Variants in KDM2B observed in about 807,000 individuals in gnomAD.
KDM2B encodes the protein lysine demethylase 2B.
In KDM2B, 26 loss-of-function variants were observed where a neutral mutation model predicts 150.0. The ratio of observed to expected loss-of-function variants is 0.17; its 90% CI spans 0.13 to 0.24. The LOEUF is 0.24. KDM2B is among the 10% of genes least tolerant of loss of function. The pLI is 1.00. For missense variants in KDM2B, 1,265 were observed against 1,816.9 expected (o/e 0.70, Z 5.52); for synonymous variants, 734 against 729.5 (o/e 1.01, Z -0.10).
At chr12:121,579,890 C>A in intron 1 of KDM2B, 1 of 1,469,086 alleles carries the variant, frequency 6.8e-7, no homozygotes, top group Non-Finnish European at 9.1e-7. Flanking sequence ...ATATTTTTTT[C>A]CCGGTCCTCT....
At chr12:121,457,620 G>A (rs1324064017) in intron 12 of KDM2B, among the ~76,000 whole-genome samples, 4 of 151,762 alleles carry the variant, frequency 2.6e-5, no homozygotes, top group African/African-American at 4.8e-5. Flanking sequence ...AGGAAGTGAC[G>A]GCATCCCCAG....
the KDM2B span, chr12:121,416,373 A>G: frequency 1.2e-6 from 2 of 1,606,760 alleles, no homozygotes; most frequent in Non-Finnish European, 1.7e-6. Context: ...GTCTTTAGAA[A>G]GAAGGTGAGT....
At chr12:121,476,860 G>A (rs1275538096) in intron 12 of KDM2B, among the ~76,000 whole-genome samples, 1 of 152,066 alleles carries the variant, frequency 6.6e-6, no homozygotes, top group Non-Finnish European at 1.5e-5. Context: ...AAAATCTATT[G>A]TCACCATTTG....
intron 12 of KDM2B, among the ~76,000 whole-genome samples, chr12:121,482,050 G>C (rs555860625): frequency 6.6e-6 from 1 of 152,092 alleles, no homozygotes; most frequent in Non-Finnish European, 1.5e-5. Context: ...CAAAGTGCAG[G>C]GATTACAGGC....
chr12:121,444,277 T>C lies in KDM2B; in HGVS notation c.2191-5A>G. ...AAAGCCAGGGCCACGCTTTTGCTTG[T>C]AGGCCAAAAAGAGAGAATGAACAGA... On this transcript the variant is annotated splice_polypyrimidine_tract_variant and splice_region_variant and intron_variant, in intron 15 of 22. Transcript: ENST00000377071. 1.9e-6 allele frequency: 3 copies of C among 1,613,492 alleles called. No individual in the cohort carries two copies. Among genetic ancestry groups the C allele is most frequent in the Non-Finnish European group, 2.5e-6 (3 of 1,179,768 alleles).
intron 11 of KDM2B, among the ~76,000 whole-genome samples, chr12:121,495,099 T>A (rs1436890881): frequency 5.9e-5 from 9 of 151,300 alleles, no homozygotes; most frequent in Non-Finnish European, 1.2e-4. Context: ...CTGGATCAAG[T>A]GATCCTCATG....
chr12:121,507,822 G>A (rs1216195598), intron 11 of KDM2B, among the ~76,000 whole-genome samples: 4 of 152,078 alleles, frequency 2.6e-5, no homozygotes, highest in South Asian at 2.1e-4. Flanking sequence ...ACCAGCCTGG[G>A]CAATGTGGTG....
intron 12 of KDM2B, among the ~76,000 whole-genome samples, chr12:121,473,569 G>A (rs1203868626): frequency 1.3e-5 from 2 of 150,358 alleles, no homozygotes; most frequent in Non-Finnish European, 3.0e-5. Flanking sequence ...AAATACAAAA[G>A]TCAGCCAGGC....
rs1469552538 is a variant in KDM2B at position 121,513,448 on chromosome 12, G to A, written c.1048-46C>T. The A allele has an allele frequency of 1.1e-5, 18 of 1,596,744 alleles. No homozygotes were observed. Among genetic ancestry groups the A allele is most frequent in the East Asian group, 2.3e-5 (1 of 44,424 alleles). The stretch of plus-strand genomic sequence containing the variant: ...AGGCAGAGGTCAGTTTCCAGAGGGC[G>A]AAGGGGGAAGGAGGGAGAGAAGTGC... On this transcript the variant is annotated intron_variant, in intron 9 of 22. Coordinates refer to ENST00000377071, the MANE Select transcript of KDM2B (RefSeq NM_032590.5). This position sits in a 1 kb window ranked among gnomAD's most constrained non-coding sequence, Gnocchi z 5.0.
At chr12:121,551,248 C>T (rs566027265) in intron 4 of KDM2B, among the ~76,000 whole-genome samples, 1 of 152,052 alleles carries the variant, frequency 6.6e-6, no homozygotes, top group Admixed American at 6.6e-5. Context: ...AAAAGTAACT[C>T]TGTGTAATCC....
At chr12:121,478,935 C>T (rs968299526) in intron 12 of KDM2B, among the ~76,000 whole-genome samples, 8 of 149,890 alleles carry the variant, frequency 5.3e-5, no homozygotes, top group Non-Finnish European at 1.2e-4. Context: ...CTAGGCTGTT[C>T]TCAAGCTCCT....
At chr12:121,550,514 T>G (rs1889404963) in intron 4 of KDM2B, among the ~76,000 whole-genome samples, 1 of 152,082 alleles carries the variant, frequency 6.6e-6, no homozygotes, top group Non-Finnish European at 1.5e-5. Context: ...TTTTTAACTT[T>G]CCTTTTTACT....
rs1555288074 is a variant in KDM2B, at chr12:121,441,006, CAG to C, written c.3449-31_3449-30del. ...GGGGGACATAGAAAAGGGTGAAGGTCAGGGGATGTGTCCCCAGCCCTCACTGC... is the reference window on the plus strand; with the variant it reads ...GGGGGACATAGAAAAGGGTGAAGGTCGGGATGTGTCCCCAGCCCTCACTGC... On this transcript the variant is annotated intron_variant, in intron 20 of 22. Coordinates refer to ENST00000377071, the MANE Select transcript of KDM2B (RefSeq NM_032590.5). 6.8e-6 allele frequency: 11 copies of C among 1,612,320 alleles called. No individual in the cohort carries two copies. In the African/African-American group the frequency reaches 8.0e-5, roughly 12 times the overall value.
At position 121,518,571 on chromosome 12, in the gene KDM2B, A is replaced by C. The variant is rs1886425296; in HGVS notation, c.1047+2414T>G. ...AGGACGTGATATTCCACGTAAGCTC[A>C]GTGTGATGCTCAGGGGTCCGGCCAG... On this transcript the variant is annotated intron_variant, in intron 9 of 22. Coordinates refer to ENST00000377071, the MANE Select transcript of KDM2B (RefSeq NM_032590.5). This position sits in a 1 kb window ranked among gnomAD's most constrained non-coding sequence, Gnocchi z 4.4. Among the ~76,000 whole-genome samples, 3 of 152,168 alleles carry C rather than the reference A, an allele frequency of 2.0e-5. No homozygotes were observed. The highest frequency in any genetic ancestry group is 2.0e-4 in the Admixed American group (3 of 15,280).
In KDM2B at chr12:121,509,905, T is replaced by G; in HGVS notation, c.1309A>C (p.Lys437Gln). ...EEGEGRDRAPKPPTDGSTSPT... is the reference protein window; with the variant it reads ...EEGEGRDRAPQPPTDGSTSPT... ...GAAGTGGAGCCATCGGTGGGCGGTT[T>G]GGGTGCCCTGTCCCTGCCCTCGCCC... The change falls in exon 11 of 23, where the codon AAA becomes CAA. Residue 437 changes from lysine to glutamine, a missense_variant. By Grantham distance (53) the Lys-to-Gln change is moderately conservative. Around this residue, in one of 11 missense-constraint regions of KDM2B, gnomAD observed 154 missense variants for 162.5 expected, o/e 0.95. Coordinates refer to ENST00000377071, the MANE Select transcript of KDM2B (RefSeq NM_032590.5). 6.2e-7 allele frequency: 1 copy of G among 1,613,098 alleles called. No homozygotes were observed. The highest frequency in any genetic ancestry group is 1.6e-4 in the Middle Eastern group (1 of 6,062).
chr12:121,467,178 A>G lies in KDM2B; in HGVS notation c.1735-13834T>C. ...CCGACCTGGTCCGGCTCCGATTCAT[A>G]GTCGTCGTCCTCGGCGCTCACGGAC... On this transcript the variant is annotated intron_variant, in intron 12 of 22. Coordinates refer to ENST00000377071, the MANE Select transcript of KDM2B (RefSeq NM_032590.5). This position sits in a 1 kb window ranked among gnomAD's most constrained non-coding sequence, Gnocchi z 5.1. 8.9e-7 allele frequency: 1 copy of G among 1,119,364 alleles called. No homozygotes were observed. Among genetic ancestry groups the G allele is most frequent in the Admixed American group, 3.8e-5 (1 of 26,402 alleles). 69.3% of individuals were successfully genotyped at this position (1,119,364 alleles called of 1,614,324 possible).
At position 121,537,297 on chromosome 12, in the gene KDM2B, C is replaced by G. The variant is rs1888215326; in HGVS notation, c.684-2707G>C. The stretch of plus-strand genomic sequence containing the variant: ...TTTGCTCGCTCGCTCTGGCGTGACG[C>G]CTTTGCACTGACCTCTGCAGCTTCC... On this transcript the variant is annotated intron_variant, in intron 6 of 22. Coordinates refer to ENST00000377071, the MANE Select transcript of KDM2B (RefSeq NM_032590.5). This position sits in a 1 kb window ranked among gnomAD's most constrained non-coding sequence, Gnocchi z 8.7. 6.5e-6 allele frequency: 1 copy of G among 152,884 alleles called. No individual in the cohort carries two copies. The highest frequency in any genetic ancestry group is 2.1e-4 in the South Asian group (1 of 4,842). 9.5% of individuals were successfully genotyped at this position (152,884 alleles called of 1,614,324 possible).
At position 121,509,685 on chromosome 12, in the gene KDM2B, G is replaced by A; in HGVS notation, c.1529C>T (p.Thr510Ile). 1 of 1,614,094 alleles carries A rather than the reference G, an allele frequency of 6.2e-7. No homozygotes were observed. Reference protein sequence around the residue: ...TEVSAKWTHLTEFELKGLKAL... With the variant: ...TEVSAKWTHLIEFELKGLKAL... ...TTTCAGGCCCTTCAGTTCAAACTCA[G>A]TGAGATGGGTCCATTTGGCAGAGAC... Residue 510 changes from threonine to isoleucine, a missense_variant, in exon 11 of 23, where the codon ACT (threonine) becomes ATT (isoleucine). This residue lies in a region of KDM2B where 20 missense variants were observed against 49.5 expected (regional missense o/e 0.40). Transcript: ENST00000377071.
the KDM2B span, among the ~76,000 whole-genome samples, chr12:121,410,001 C>A: frequency 3.3e-5 from 5 of 151,598 alleles, no homozygotes; most frequent in African/African-American, 1.2e-4. Flanking sequence ...ACTAAAAATA[C>A]AAAATTAGCC....
Sources: gnomAD v4.1 joint callset for allele counts (sites outside exome capture counted in the v4.1 genomes callset) on GRCh38, gnomAD v4.1.1 for gene constraint, gnomAD v4.1.1 regional missense constraint, Gnocchi (gnomAD v3.1) non-coding constraint, MANE v1.5 for transcripts, NCBI Gene and HGNC (gene_info 2026-07-23, HGNC 2026-07-21) for gene names.